Variants in OPCML observed in about 807,000 individuals in gnomAD.
OPCML encodes opioid-binding protein/cell adhesion molecule.
A neutral mutation model predicts 37.8 loss-of-function variants in OPCML; 13 were observed. That is an observed-to-expected ratio of 0.34 (90% CI 0.22 to 0.55). The LOEUF (loss-of-function observed/expected upper bound fraction) is 0.55. Among genes scored for constraint, OPCML ranks in the 20% least tolerant of loss-of-function variants. The pLI is 0.91. For missense variants in OPCML, 341 were observed against 435.6 expected (o/e 0.78, Z 1.93); for synonymous variants, 176 against 168.8 (o/e 1.04, Z -0.33).
At chr11:133,169,543 A>G (rs1296830525) in intron 1 of OPCML, among the ~76,000 whole-genome samples, 1 of 152,236 alleles carries the variant, frequency 6.6e-6, no homozygotes, top group Admixed American at 6.5e-5. Context: ...GTAATCACAT[A>G]TTAGCAAGGT....
chr11:133,070,410 A>T (rs150356608), intron 1 of OPCML, among the ~76,000 whole-genome samples: 336 of 152,262 alleles, frequency 2.2e-3, no homozygotes, highest in African/African-American at 7.5e-3. Flanking sequence ...ACCCTGGTCC[A>T]TTTAGGCTCA....
chr11:133,115,728 GTTTA>G (rs1565455211), intron 1 of OPCML, among the ~76,000 whole-genome samples: 1 of 151,944 alleles, frequency 6.6e-6, no homozygotes, highest in African/African-American at 2.4e-5. Flanking sequence ...TTAAGTGTAA[GTTTA>G]TTTATATATA....
intron 1 of OPCML, chr11:133,067,730 G>T (rs1173211326): frequency 6.6e-6 from 1 of 152,078 alleles, no homozygotes; most frequent in East Asian, 1.9e-4. Context: ...CTCTTTCACT[G>T]GCCCTTCCTA....
intron 2 of OPCML, among the ~76,000 whole-genome samples, chr11:132,857,411 A>G (rs1235158630): frequency 6.6e-6 from 1 of 152,218 alleles, no homozygotes; most frequent in Non-Finnish European, 1.5e-5. Context: ...GAGGAAGAAA[A>G]TTTAATTGAT....
intron 1 of OPCML, among the ~76,000 whole-genome samples, chr11:133,375,125 C>T (rs1042888426): frequency 1.3e-5 from 2 of 152,172 alleles, no homozygotes; most frequent in African/African-American, 4.8e-5. Flanking sequence ...TTCTGCTCCC[C>T]ACCGCATGAT....
chr11:133,116,876 T>C (rs921839445), intron 1 of OPCML, among the ~76,000 whole-genome samples: 1 of 151,514 alleles, frequency 6.6e-6, no homozygotes, highest in Non-Finnish European at 1.5e-5. Flanking sequence ...CATTGATGAT[T>C]ATTGCCTGAA....
chr11:132,431,915 T>C (rs2095998272), intron 7 of OPCML, among the ~76,000 whole-genome samples: 1 of 152,096 alleles, frequency 6.6e-6, no homozygotes, highest in Non-Finnish European at 1.5e-5. Context: ...AATCTAAAAA[T>C]TGTCCTTTAC....
chr11:133,486,984 A>G (rs1052813989), intron 1 of OPCML, among the ~76,000 whole-genome samples: 1 of 151,892 alleles, frequency 6.6e-6, no homozygotes, highest in South Asian at 2.1e-4. Context: ...CAAATCCATT[A>G]GCATCCCTCA....
chr11:132,589,850 T>C (rs1403036628), intron 3 of OPCML, among the ~76,000 whole-genome samples: 1 of 152,210 alleles, frequency 6.6e-6, no homozygotes, highest in Non-Finnish European at 1.5e-5. Flanking sequence ...GGGAAGTTGT[T>C]AAATTTTTTA....
intron 4 of OPCML, among the ~76,000 whole-genome samples, chr11:132,452,934 C>T (rs61908171): frequency 6.6e-6 from 1 of 152,288 alleles, no homozygotes; most frequent in African/African-American, 2.4e-5. Context: ...CTCCTCCTTT[C>T]CCCTGGACAT....
At chr11:132,921,114 A>G (rs1293422581) in intron 2 of OPCML, among the ~76,000 whole-genome samples, 2 of 152,048 alleles carry the variant, frequency 1.3e-5, no homozygotes, top group Non-Finnish European at 2.9e-5. Flanking sequence ...TCCTGATAGT[A>G]CTGTGTGAGG....
intron 1 of OPCML, among the ~76,000 whole-genome samples, chr11:133,176,375 T>C (rs953131786): frequency 6.8e-6 from 1 of 147,728 alleles, no homozygotes; most frequent in East Asian, 2.0e-4. Context: ...TATTTCAACA[T>C]GAGATTTTTC....
At chr11:133,455,256 GTCT>G (rs951890798) in intron 1 of OPCML, among the ~76,000 whole-genome samples, 2 of 152,198 alleles carry the variant, frequency 1.3e-5, no homozygotes, top group African/African-American at 4.8e-5. Context: ...CATGCAATTA[GTCT>G]TCTTAGAACA....
intron 4 of OPCML, among the ~76,000 whole-genome samples, chr11:132,500,806 T>C (rs185252083): frequency 6.6e-6 from 1 of 152,286 alleles, no homozygotes; most frequent in African/African-American, 2.4e-5. Context: ...CATGTGGTGT[T>C]TGGTTTTCTG....
At chr11:132,715,198 T>C (rs1038866016) in intron 2 of OPCML, among the ~76,000 whole-genome samples, 5 of 152,204 alleles carry the variant, frequency 3.3e-5, no homozygotes, top group Admixed American at 1.3e-4. Flanking sequence ...AGCTCAGCGC[T>C]GGCTTTTCAC....
chr11:133,516,105 T>C (rs1240028373), intron 1 of OPCML, among the ~76,000 whole-genome samples: 2 of 151,806 alleles, frequency 1.3e-5, no homozygotes, highest in African/African-American at 4.8e-5. Flanking sequence ...GCAGGAGCCA[T>C]GAGATCTGGG....
chr11:132,619,577 T>C (rs1409558192), intron 3 of OPCML, among the ~76,000 whole-genome samples: 2 of 151,440 alleles, frequency 1.3e-5, no homozygotes, highest in Admixed American at 6.6e-5. Flanking sequence ...CGGTGGCTCA[T>C]GCCTGTAATC....
intron 1 of OPCML, among the ~76,000 whole-genome samples, chr11:132,985,816 GC>G (rs754545288): frequency 9.9e-5 from 15 of 152,162 alleles, no homozygotes; most frequent in Non-Finnish European, 1.6e-4. Context: ...CTCCTAATAG[GC>G]CTATTCTTCC....
At chr11:133,113,361 A>C (rs1486682070) in intron 1 of OPCML, among the ~76,000 whole-genome samples, 5 of 152,214 alleles carry the variant, frequency 3.3e-5, no homozygotes, top group African/African-American at 1.2e-4. Context: ...TCTTCTATTT[A>C]CCTAGAGCAT....
Sources: gnomAD v4.1 joint callset for allele counts (sites outside exome capture counted in the v4.1 genomes callset) on GRCh38, gnomAD v4.1.1 for gene constraint, MANE v1.5 for transcripts, NCBI Gene and HGNC (gene_info 2026-07-23, HGNC 2026-07-21) for gene names.